The following RAI1 variants were observed in gnomAD, a reference collection of about 807,000 sequenced individuals.
RAI1 encodes the protein retinoic acid-induced protein 1.
Under a neutral mutation model 123.8 loss-of-function variants are expected in RAI1, and 9 were observed. The observed-to-expected ratio is 0.07, with a 90% CI of 0.04 to 0.13. The LOEUF (loss-of-function observed/expected upper bound fraction) is 0.13, where lower values mean the gene tolerates loss of function less well. Among genes scored for constraint, RAI1 ranks in the 10% least tolerant of loss-of-function variants. RAI1 has a pLI of 1.00. For missense variants in RAI1, 2,256 were observed against 2,545.8 expected (o/e 0.89, Z 2.45); for synonymous variants, 1,231 against 1,127.3 (o/e 1.09, Z -1.84).
At chr17:17,790,929 G>A (rs938887617) in intron 2 of RAI1, among the ~76,000 whole-genome samples, 1 of 152,212 alleles carries the variant, frequency 6.6e-6, no homozygotes, top group Non-Finnish European at 1.5e-5. Context: ...ACCAAGTGCC[G>A]TCCCCAGCTC....
chr17:17,688,405 AC>A (rs1256893618), intron 1 of RAI1, among the ~76,000 whole-genome samples: 6 of 151,272 alleles, frequency 4.0e-5, no homozygotes, highest in Non-Finnish European at 8.8e-5. Flanking sequence ...GATCACTTGA[AC>A]CCCGGGGGGT....
rs141444364 is a variant in RAI1, at chr17:17,792,316, CGT to C, written c.-16-603_-16-602del. ...GATAGAGGAGGTGTGTGTGTGCATG[CGT>C]GTGTGTGTGTGTGCGCGCGTGTGTG... On this transcript the variant is annotated intron_variant, in intron 2 of 5. Transcript: ENST00000353383. Among the ~76,000 whole-genome samples, 928 of 150,878 alleles carry C rather than the reference CGT, an allele frequency of 6.2e-3. 6 individuals carry two copies. The highest frequency in any genetic ancestry group is 0.018 in the African/African-American group (721 of 41,122).
intron 1 of RAI1, among the ~76,000 whole-genome samples, chr17:17,722,680 T>C (rs1362086448): frequency 6.6e-6 from 1 of 152,170 alleles, no homozygotes; most frequent in South Asian, 2.1e-4. Flanking sequence ...GAGTCTCAGT[T>C]CTCGCTGCCT....
At position 17,810,905 on chromosome 17, in the gene RAI1, C is replaced by T. The variant is rs1362743608; in HGVS notation, c.*924C>T. On this transcript the variant is annotated 3_prime_UTR_variant, in exon 6 of 6. Coordinates refer to ENST00000353383, the MANE Select transcript of RAI1 (RefSeq NM_030665.4). The surrounding 1 kb of genome is among the most constrained non-coding windows in gnomAD (Gnocchi z 4.6). ...GATTTCGTGTACAAAACCTGTGTAC[C>T]CCTCTATATATATGTTACATAGAAT... The T allele has an allele frequency of 7.3e-6, 3 of 412,720 alleles. No homozygotes were observed. The highest frequency in any genetic ancestry group is 4.1e-5 in the African/African-American group (2 of 48,600). The allele number at this position is 412,720 out of a possible 1,614,324, so 25.6% of individuals were successfully genotyped here.
rs990823992 is a variant in RAI1, at chr17:17,798,664, GGT to G, written c.5565+157_5565+158del. On this transcript the variant is annotated intron_variant, in intron 3 of 5. Coordinates refer to ENST00000353383, the MANE Select transcript of RAI1 (RefSeq NM_030665.4). Reference sequence around the variant, plus strand: ...TCTGCAGAGTCCTGAGCCTCTCTGGGGTGTGTGGGGGAAGTGGAGGCACCCAT... The same window carrying G: ...TCTGCAGAGTCCTGAGCCTCTCTGGGGTGTGGGGGAAGTGGAGGCACCCAT... The G allele has an allele frequency of 1.3e-5, 18 of 1,385,738 alleles. No homozygotes were observed. In the African/African-American group the frequency reaches 2.6e-4, roughly 20 times the overall value. The allele number at this position is 1,385,738 out of a possible 1,614,324, so 85.8% of individuals were successfully genotyped here.
intron 1 of RAI1, among the ~76,000 whole-genome samples, chr17:17,716,395 CATGTGTAT>C (rs1308203052): frequency 1.3e-5 from 2 of 152,232 alleles, no homozygotes; most frequent in Non-Finnish European, 2.9e-5. Context: ...TATATGTATA[CATGTGTAT>C]ATGTGTATAC....
intron 1 of RAI1, among the ~76,000 whole-genome samples, chr17:17,720,247 T>C (rs2142921880): frequency 6.6e-6 from 1 of 152,222 alleles, no homozygotes; most frequent in East Asian, 1.9e-4. Flanking sequence ...GAGATAGTGC[T>C]TGGCAAACAA....
In RAI1 at chr17:17,692,966, G is replaced by T. The variant is rs1043185175; in HGVS notation, c.-149+11173G>T. Among the ~76,000 whole-genome samples the T allele has an allele frequency of 2.0e-5, 3 of 152,346 alleles. No homozygotes were observed. In the South Asian group the frequency reaches 6.2e-4, roughly 32 times the overall value. On this transcript the variant is annotated intron_variant, in intron 1 of 5. Coordinates refer to ENST00000353383, the MANE Select transcript of RAI1 (RefSeq NM_030665.4). ...GGGTTTCTTTATTTGAAAGGGGAGA[G>T]AGGGCAGACTCCACTCTGCAGGTAG...
intron 2 of RAI1, among the ~76,000 whole-genome samples, chr17:17,727,102 A>G (rs1007126576): frequency 1.3e-5 from 2 of 152,256 alleles, no homozygotes; most frequent in Non-Finnish European, 1.5e-5. Context: ...TCAAAATGCC[A>G]CTGCTGATGC....
At chr17:17,727,305 C>G (rs1318505933) in intron 2 of RAI1, among the ~76,000 whole-genome samples, 1 of 152,228 alleles carries the variant, frequency 6.6e-6, no homozygotes, top group African/African-American at 2.4e-5. Flanking sequence ...GGAAGCGAGT[C>G]CCAAGGTCAC....
rs1208493439 is a variant in RAI1, at chr17:17,714,210, C to G, written c.-148-9818C>G. The stretch of plus-strand genomic sequence containing the variant: ...GCTTCCTCAGCTCCCTCTCTGAACC[C>G]CAGTTTCTGGGTCTGCAGAAGGGGG... On this transcript the variant is annotated intron_variant, in intron 1 of 5. Transcript: ENST00000353383. This position sits in a 1 kb window ranked among gnomAD's most constrained non-coding sequence, Gnocchi z 4.9. Among the ~76,000 whole-genome samples, 2 of 152,146 alleles carry G rather than the reference C, an allele frequency of 1.3e-5. No individual in the cohort carries two copies. The highest frequency in any genetic ancestry group is 2.9e-5 in the Non-Finnish European group (2 of 68,030).
intron 2 of RAI1, among the ~76,000 whole-genome samples, chr17:17,761,453 G>A (rs2030692899): frequency 6.6e-6 from 1 of 152,196 alleles, no homozygotes; most frequent in African/African-American, 2.4e-5. Context: ...GGAAGCAGCA[G>A]GCTCGCTGGG....
chr17:17,768,551 G>A (rs1404142919), intron 2 of RAI1, among the ~76,000 whole-genome samples: 2 of 152,228 alleles, frequency 1.3e-5, no homozygotes, highest in Non-Finnish European at 2.9e-5. Context: ...TTACACGCCA[G>A]ACATAGGGCC....
chr17:17,759,098 G>T (rs905317740), intron 2 of RAI1: 1 of 152,250 alleles, frequency 6.6e-6, no homozygotes, highest in African/African-American at 2.4e-5. Flanking sequence ...CTGCGCAGGT[G>T]AGAACACCTG....
intron 1 of RAI1, among the ~76,000 whole-genome samples, chr17:17,697,692 G>T (rs1387535937): frequency 6.6e-6 from 1 of 152,184 alleles, no homozygotes; most frequent in Non-Finnish European, 1.5e-5. Flanking sequence ...AAGTGAGTTG[G>T]GGTTTGTGTA....
rs1212727012 is a variant in RAI1, at chr17:17,810,603, C to T, written c.*622C>T. The T allele has an allele frequency of 6.1e-6, 2 of 329,484 alleles. No individual in the cohort carries two copies. The highest frequency in any genetic ancestry group is 1.2e-5 in the Non-Finnish European group (2 of 164,764). The allele number at this position is 329,484 out of a possible 1,614,324, so 20.4% of individuals were successfully genotyped here. A position where few individuals can be genotyped will look rare whatever the true frequency, so the allele number is the denominator to read the frequency against. ...GCGTCCAGGGGCCTTCCCGCCCAGC[C>T]TTTGCCAGATCTCTCGTGCGGTTCG... On this transcript the variant is annotated 3_prime_UTR_variant, in exon 6 of 6. Coordinates refer to ENST00000353383, the MANE Select transcript of RAI1 (RefSeq NM_030665.4). This position sits in a 1 kb window ranked among gnomAD's most constrained non-coding sequence, Gnocchi z 4.6.
chr17:17,804,014 C>A, intron 4 of RAI1, 165 bp downstream of exon 4: 1 of 760,030 alleles, frequency 1.3e-6, no homozygotes, highest in Non-Finnish European at 2.3e-6. Context: ...TAGACCTCTG[C>A]TGGGCAATGC....
Position 17,800,393 on chromosome 17 carries a change from C to G in RAI1, c.5565+1880C>G, listed in dbSNP as rs991683116. ...CGGCATCCTCGGTCCCGCAGCCTCA[C>G]CAGGGGCTCCCCGACACTCACGTCC... On this transcript the variant is annotated intron_variant, in intron 3 of 5. Transcript: ENST00000353383. The surrounding 1 kb of genome is among the most constrained non-coding windows in gnomAD (Gnocchi z 4.7). Among the ~76,000 whole-genome samples the G allele has an allele frequency of 6.6e-6, 1 of 152,200 alleles. No individual in the cohort carries two copies. The highest frequency in any genetic ancestry group is 2.4e-5 in the African/African-American group (1 of 41,436).
intron 4 of RAI1, among the ~76,000 whole-genome samples, chr17:17,804,689 T>C (rs2032561927): frequency 6.6e-6 from 1 of 152,096 alleles, no homozygotes; most frequent in South Asian, 2.1e-4. Context: ...AGACAGAGTT[T>C]TGCTCTGTCA....
Sources: gnomAD v4.1 joint callset for allele counts (sites outside exome capture counted in the v4.1 genomes callset) on GRCh38, gnomAD v4.1.1 for gene constraint, Gnocchi (gnomAD v3.1) non-coding constraint, MANE v1.5 for transcripts, NCBI Gene and HGNC (gene_info 2026-07-23, HGNC 2026-07-21) for gene names.